Variants in NDRG3 observed in about 807,000 individuals in gnomAD.
The protein encoded by NDRG3 is protein NDRG3.
Under a neutral mutation model 57.2 loss-of-function variants are expected in NDRG3, and 23 were observed. The ratio of observed to expected loss-of-function variants is 0.40; its 90% CI spans 0.29 to 0.57. The LOEUF (loss-of-function observed/expected upper bound fraction) is 0.57, where lower values mean the gene tolerates loss of function less well. Ranked by LOEUF, NDRG3 falls within the 20% of genes least tolerant of loss-of-function variation. The pLI is 0.42. For missense variants in NDRG3, 384 were observed against 457.3 expected, an observed-to-expected ratio of 0.84 and a Z score of 1.46; for synonymous variants, 132 against 162.6, an observed-to-expected ratio of 0.81 and a Z score of 1.43.
chr20:36,693,127 T>C (rs1568647076), intron 3 of NDRG3, among the ~76,000 whole-genome samples: 2 of 65,604 alleles, frequency 3.0e-5, no homozygotes, highest in African/African-American at 6.2e-5. Flanking sequence ...TATATATATA[T>C]ATATATATAT....
At chr20:36,730,454 A>G (rs1369697138) in intron 1 of NDRG3, among the ~76,000 whole-genome samples, 1 of 151,800 alleles carries the variant, frequency 6.6e-6, no homozygotes, top group African/African-American at 2.4e-5. Flanking sequence ...AGGTCTTACT[A>G]TGTTGCCCAG....
intron 3 of NDRG3, chr20:36,700,432 C>T: frequency 1.9e-6 from 1 of 527,288 alleles, no homozygotes. Flanking sequence ...AGGAAGCACT[C>T]ACCTCCATGG....
chr20:36,688,637 T>A (rs1981994647), intron 4 of NDRG3, 42 bp downstream of exon 4: 1 of 1,377,956 alleles, frequency 7.3e-7, no homozygotes, highest in East Asian at 2.3e-5. Flanking sequence ...CATACAAAGA[T>A]CAAGTATGAT....
At chr20:36,709,842 T>C (rs1983762107) in intron 2 of NDRG3, among the ~76,000 whole-genome samples, 1 of 151,660 alleles carries the variant, frequency 6.6e-6, no homozygotes, top group African/African-American at 2.4e-5. Context: ...TACAGATTTA[T>C]AAAACAAATA....
chr20:36,687,599 G>GA lies in NDRG3; in HGVS notation c.212dup (p.Asn72GlnfsTer5). 6.2e-7 allele frequency: 1 copy of GA among 1,613,606 alleles called. No individual in the cohort carries two copies. Among genetic ancestry groups the GA allele is most frequent in the South Asian group, 1.1e-5 (1 of 91,018 alleles). On this transcript the variant is annotated frameshift_variant, in exon 5 of 16. Transcript: ENST00000349004. LOFTEE classifies it high-confidence loss of function. ...TATCCTCAAAGTTAAAGAATGCATT[G>GA]AAACAGGATTTATCTATAAGAATAA...
chr20:36,693,822 A>G (rs1312012643), intron 3 of NDRG3, among the ~76,000 whole-genome samples: 1 of 151,808 alleles, frequency 6.6e-6, no homozygotes, highest in Admixed American at 6.6e-5. Context: ...AACAGATTCT[A>G]CATTATGGTG....
At chr20:36,738,513 AG>A (rs1397430536) in intron 1 of NDRG3, among the ~76,000 whole-genome samples, 1 of 151,908 alleles carries the variant, frequency 6.6e-6, no homozygotes, top group Non-Finnish European at 1.5e-5. Context: ...AAAAAAAAAA[AG>A]CAACACCTTC....
At chr20:36,654,978 G>A in intron 15 of NDRG3, 1 of 678,332 alleles carries the variant, frequency 1.5e-6, no homozygotes, top group Non-Finnish European at 2.8e-6. Context: ...GAGAGGAGGT[G>A]AGGCTGACAG....
At chr20:36,718,119 A>T (rs1346789912) in intron 2 of NDRG3, among the ~76,000 whole-genome samples, 1 of 152,224 alleles carries the variant, frequency 6.6e-6, no homozygotes. Context: ...GGTTCAAATG[A>T]AGTAATGGAT....
At chr20:36,721,143 A>G (rs1316761377) in intron 2 of NDRG3, among the ~76,000 whole-genome samples, 1 of 152,104 alleles carries the variant, frequency 6.6e-6, no homozygotes, top group Non-Finnish European at 1.5e-5. Context: ...TCTGTAAAAT[A>G]CAAAAATCTC....
chr20:36,709,562 C>T (rs1289325123), intron 2 of NDRG3, among the ~76,000 whole-genome samples: 1 of 152,200 alleles, frequency 6.6e-6, no homozygotes, highest in Non-Finnish European at 1.5e-5. Context: ...CTGGGCAGCA[C>T]ATTTCCAAGG....
rs566207736 is a variant in NDRG3, at chr20:36,702,684, C to G, written c.93+4288G>C. On this transcript the variant is annotated intron_variant, in intron 3 of 15. Transcript: ENST00000349004. The stretch of plus-strand genomic sequence containing the variant: ...GATTACAGGCACCTGCCACCATGCC[C>G]AGCTAATTTTTTTTTTTTTTTGAGA... Among the ~76,000 whole-genome samples the G allele has an allele frequency of 6.6e-5, 10 of 151,562 alleles. No individual in the cohort carries two copies. The East Asian group carries it at 1.9e-3, about 30-fold the overall frequency.
chr20:36,683,212 C>A (rs972009023), intron 6 of NDRG3, among the ~76,000 whole-genome samples: 7 of 151,930 alleles, frequency 4.6e-5, no homozygotes, highest in African/African-American at 1.7e-4. Flanking sequence ...CCACTGCACT[C>A]CAGCCTAGGT....
intron 1 of NDRG3, among the ~76,000 whole-genome samples, chr20:36,729,606 CAA>C: frequency 6.6e-6 from 1 of 152,020 alleles, no homozygotes; most frequent in Non-Finnish European, 1.5e-5. Flanking sequence ...CGGCTACCTG[CAA>C]CCTCTGTCTT....
chr20:36,670,406 T>C (rs576033596), intron 9 of NDRG3, among the ~76,000 whole-genome samples: 5 of 152,180 alleles, frequency 3.3e-5, no homozygotes, highest in Non-Finnish European at 7.3e-5. Context: ...ATAGAACTTC[T>C]CTACTCTAAA....
Position 36,680,952 on chromosome 20 carries a change from C to A in NDRG3, c.445-50G>T, listed in dbSNP as rs771801095. ...GTATGAAAGCTACACTCCCACAGTT[C>A]TTCTAAACAGTTGGAACATGGTTGA... On this transcript the variant is annotated intron_variant, in intron 7 of 15. Coordinates refer to ENST00000349004, the MANE Select transcript of NDRG3 (RefSeq NM_032013.4). The A allele has an allele frequency of 3.4e-6, 5 of 1,459,780 alleles. No homozygotes were observed. The South Asian group carries it at 5.7e-5, about 17-fold the overall frequency. 90.4% of individuals were successfully genotyped at this position (1,459,780 alleles called of 1,614,324 possible). A position where few individuals can be genotyped will look rare whatever the true frequency, so the allele number is the denominator to read the frequency against.
At chr20:36,656,564 G>A (rs1352151505) in intron 13 of NDRG3, 32 bp from the exon 14 acceptor site, 1 of 1,613,568 alleles carries the variant, frequency 6.2e-7, no homozygotes. Context: ...AGTCAGCTGG[G>A]ACTTACCCTT....
chr20:36,723,132 A>G (rs1352210236), intron 1 of NDRG3, among the ~76,000 whole-genome samples: 3 of 152,086 alleles, frequency 2.0e-5, no homozygotes, highest in African/African-American at 7.2e-5. Context: ...AGTCAGAACC[A>G]CCCTACCAAG....
rs6072010 is a variant in NDRG3 at position 36,721,679 on chromosome 20, C to T, written c.57G>A (p.Lys19=). ...LTEIKPLLND[K]NGTRNFQDFD... ...TTAGTGAAAACAGAAAAGTCTTTAC[C>T]TTATCATTTAGAAGTGGTTTGATCT... Residue 19 remains lysine, a splice_region_variant and synonymous_variant, in exon 2 of 16, where the codon AAG becomes AAA. Transcript: ENST00000349004. The T allele has an allele frequency of 1.9e-6, 3 of 1,595,678 alleles. No homozygotes were observed. Among genetic ancestry groups the T allele is most frequent in the Non-Finnish European group, 2.6e-6 (3 of 1,166,336 alleles).
Sources: allele counts gnomAD v4.1 joint callset (sites outside exome capture counted in the v4.1 genomes callset), GRCh38; gene constraint gnomAD v4.1.1; transcripts MANE v1.5; gene names NCBI Gene and HGNC (gene_info 2026-07-23, HGNC 2026-07-21).